Variants in WWOX observed in about 807,000 individuals in gnomAD.
WWOX encodes WW domain-containing oxidoreductase.
A neutral mutation model predicts 46.2 loss-of-function variants in WWOX; 69 were observed. The observed-to-expected ratio is 1.49, with a 90% CI of 1.23 to 1.82. The LOEUF (loss-of-function observed/expected upper bound fraction) is 1.82, where lower values mean the gene tolerates loss of function less well. WWOX is among the 40% of genes most tolerant of loss of function. The probability of loss-of-function intolerance (pLI) is 0.00; values close to 1 mark genes in which losing one functional copy is unlikely to be tolerated. For synonymous variants in WWOX, 359 were observed against 202.6 expected (o/e 1.77, Z -6.56); for missense variants, 919 against 542.6 (o/e 1.69, Z -6.89).
At chr16:78,196,239 T>A (rs1177775474) in intron 5 of WWOX, among the ~76,000 whole-genome samples, 1 of 152,256 alleles carries the variant, frequency 6.6e-6, no homozygotes, top group Non-Finnish European at 1.5e-5. Context: ...GTTTAAAATA[T>A]TCCATTAGTG....
intron 6 of WWOX, among the ~76,000 whole-genome samples, chr16:78,402,940 A>G (rs549429196): frequency 6.6e-6 from 1 of 152,254 alleles, no homozygotes; most frequent in South Asian, 2.1e-4. Context: ...GCAAGGTTGT[A>G]TTTCTTCATT....
chr16:78,608,948 C>G (rs997031513), intron 8 of WWOX, among the ~76,000 whole-genome samples: 1 of 152,140 alleles, frequency 6.6e-6, no homozygotes, highest in Non-Finnish European at 1.5e-5. Context: ...GCAATAAAAT[C>G]TCTACTCTTT....
chr16:79,178,041 G>A (rs1041985676), intron 8 of WWOX, among the ~76,000 whole-genome samples: 7 of 152,068 alleles, frequency 4.6e-5, no homozygotes, highest in Non-Finnish European at 1.0e-4. Flanking sequence ...GCTCTCTGGG[G>A]CTTCTTTTAG....
At chr16:78,870,003 C>G (rs925461796) in intron 8 of WWOX, among the ~76,000 whole-genome samples, 1 of 152,200 alleles carries the variant, frequency 6.6e-6, no homozygotes, top group African/African-American at 2.4e-5. Flanking sequence ...ATCAAAGTCT[C>G]TCCACTGATC....
At chr16:78,337,784 T>C (rs1182191812) in intron 5 of WWOX, among the ~76,000 whole-genome samples, 1 of 56,174 alleles carries the variant, frequency 1.8e-5, no homozygotes, top group African/African-American at 5.1e-5. Context: ...CAATTATAAT[T>C]GAATCTTGAA....
At chr16:78,670,827 A>G (rs1435916353) in intron 8 of WWOX, among the ~76,000 whole-genome samples, 2 of 152,066 alleles carry the variant, frequency 1.3e-5, no homozygotes, top group Admixed American at 6.5e-5. Flanking sequence ...TAAGGTCTTT[A>G]TAGATGTAAC....
intron 8 of WWOX, among the ~76,000 whole-genome samples, chr16:79,146,372 T>C (rs1354786895): frequency 1.3e-5 from 2 of 152,190 alleles, no homozygotes; most frequent in Non-Finnish European, 2.9e-5. Context: ...CTGAGGCTTC[T>C]ATTTTAGAGA....
At chr16:78,303,618 C>G (rs2080081993) in intron 5 of WWOX, among the ~76,000 whole-genome samples, 2 of 152,184 alleles carry the variant, frequency 1.3e-5, no homozygotes, top group Non-Finnish European at 2.9e-5. Flanking sequence ...AATCTCGGCT[C>G]ACTGCAACCT....
At chr16:78,851,555 A>G (rs1009875584) in intron 8 of WWOX, among the ~76,000 whole-genome samples, 2 of 152,088 alleles carry the variant, frequency 1.3e-5, no homozygotes, top group African/African-American at 2.4e-5. Context: ...GTGTTTGTTT[A>G]TTTTCCATCT....
chr16:78,151,616 C>A (rs1051382390), intron 4 of WWOX, among the ~76,000 whole-genome samples: 1 of 152,174 alleles, frequency 6.6e-6, no homozygotes. Context: ...TAGGCTCCTC[C>A]CTTTTTTTCT....
intron 8 of WWOX, among the ~76,000 whole-genome samples, chr16:79,024,386 G>A (rs2047595089): frequency 6.6e-6 from 1 of 152,118 alleles, no homozygotes; most frequent in South Asian, 2.1e-4. Context: ...AGCCTCCTCA[G>A]TAGCTGAGAC....
chr16:79,036,640 G>C (rs1176219969), intron 8 of WWOX, among the ~76,000 whole-genome samples: 1 of 152,162 alleles, frequency 6.6e-6, no homozygotes, highest in African/African-American at 2.4e-5. Flanking sequence ...ATTCACAGTG[G>C]CTCTCTGAAG....
intron 8 of WWOX, among the ~76,000 whole-genome samples, chr16:78,830,728 G>A (rs1009951847): frequency 6.6e-6 from 1 of 151,720 alleles, no homozygotes; most frequent in African/African-American, 2.4e-5. Flanking sequence ...ATTTGGCCAA[G>A]CAGGACGGCA....
chr16:78,637,937 A>G (rs2046613878), intron 8 of WWOX, among the ~76,000 whole-genome samples: 2 of 152,230 alleles, frequency 1.3e-5, no homozygotes, highest in East Asian at 3.9e-4. Context: ...AGTTGGGGGA[A>G]GGGGTCTCCA....
intron 4 of WWOX, among the ~76,000 whole-genome samples, chr16:78,144,518 TATA>T (rs1257797890): frequency 0.08 from 2,887 of 36,086 alleles, 229 homozygotes; most frequent in East Asian, 0.17. Flanking sequence ...TATATATATA[TATA>T]TATTTTTTTT....
chr16:78,394,522 CT>C (rs2082244803), intron 6 of WWOX, among the ~76,000 whole-genome samples: 2 of 152,102 alleles, frequency 1.3e-5, no homozygotes, highest in African/African-American at 4.8e-5. Flanking sequence ...AGCATTCAGT[CT>C]TTTTATATAA....
intron 8 of WWOX, among the ~76,000 whole-genome samples, chr16:79,041,571 G>C (rs971327650): frequency 1.4e-4 from 22 of 152,232 alleles, no homozygotes; most frequent in Admixed American, 1.2e-3. Flanking sequence ...CCTATGACGG[G>C]TGAATAAGTC....
chr16:78,427,439 A>G (rs971063156), intron 7 of WWOX, among the ~76,000 whole-genome samples: 1 of 152,162 alleles, frequency 6.6e-6, no homozygotes, highest in Non-Finnish European at 1.5e-5. Context: ...TAGAATGAAA[A>G]GAGCAGAGTG....
rs116707294 is a variant in WWOX at position 78,682,063 on chromosome 16, C to T, written c.1056+249311C>T. On this transcript the variant is annotated intron_variant, in intron 8 of 8. Coordinates refer to ENST00000566780, the MANE Select transcript of WWOX (RefSeq NM_016373.4). ...TTCTCCATGCTCCAAATGACTGTGA[C>T]GACTGAGAAAATGCATGTATGTAAA... is the stretch of plus-strand genomic sequence containing the variant. 4.0e-3 allele frequency among the ~76,000 whole-genome samples: 602 copies of T among 152,262 alleles called. 4 individuals carry two copies. The highest frequency in any genetic ancestry group is 0.014 in the African/African-American group (573 of 41,556).
Sources: gnomAD v4.1 joint callset for allele counts (sites outside exome capture counted in the v4.1 genomes callset) on GRCh38, gnomAD v4.1.1 for gene constraint, MANE v1.5 for transcripts, NCBI Gene and HGNC (gene_info 2026-07-23, HGNC 2026-07-21) for gene names.